Variants in SH3KBP1 observed in about 807,000 individuals in gnomAD.
SH3KBP1 encodes SH3 domain containing kinase binding protein 1.
Under a neutral mutation model 50.1 loss-of-function variants are expected in SH3KBP1, and 8 were observed. That is an observed-to-expected ratio of 0.16 (90% CI 0.09 to 0.29). The LOEUF (loss-of-function observed/expected upper bound fraction) is 0.29, where lower values mean the gene tolerates loss of function less well. Among genes scored for constraint, SH3KBP1 ranks in the 10% least tolerant of loss-of-function variants. The probability of loss-of-function intolerance (pLI) is 1.00; values close to 1 mark genes in which losing one functional copy is unlikely to be tolerated. For missense variants in SH3KBP1, 377 were observed against 535.2 expected (o/e 0.70, Z 2.92); for synonymous variants, 227 against 218.6 (o/e 1.04, Z -0.34).
chrX:19,819,256 T>C (rs964706021), intron 2 of SH3KBP1, among the ~76,000 whole-genome samples: 2 of 112,151 alleles, frequency 1.8e-5, no homozygotes, highest in East Asian at 2.8e-4. Flanking sequence ...TGATATCACC[T>C]GTTTTATTCC....
intron 5 of SH3KBP1, among the ~76,000 whole-genome samples, chrX:19,694,463 GT>G (rs986685351): frequency 4.5e-5 from 5 of 110,592 alleles, no homozygotes; most frequent in African/African-American, 1.3e-4. Flanking sequence ...AAGACACCTC[GT>G]TTCCCCCCCC....
At chrX:19,812,880 AAGG>A (rs2067246615) in intron 2 of SH3KBP1, among the ~76,000 whole-genome samples, 1 of 110,468 alleles carries the variant, frequency 9.1e-6, no homozygotes, top group African/African-American at 3.3e-5. Flanking sequence ...GAGGCTGAGG[AAGG>A]AGAATCGCTT....
Position 19,704,683 on chromosome X carries a change from C to T in SH3KBP1, c.390+2198G>A, listed in dbSNP as rs1021145921. Among the ~76,000 whole-genome samples the T allele has an allele frequency of 2.7e-5, 3 of 111,911 alleles. No individual in the cohort carries two copies. The Admixed American group carries it at 2.8e-4, about 11-fold the overall frequency. ...GTTTCAGGCACTATTCTAGGTACCA[C>T]AAATATAAAAATAGATAAAAATCAG... On this transcript the variant is annotated intron_variant, in intron 4 of 17. Transcript: ENST00000397821.
chrX:19,824,091 A>G (rs111856226), intron 2 of SH3KBP1, among the ~76,000 whole-genome samples: 11 of 111,735 alleles, frequency 9.8e-5, no homozygotes, highest in African/African-American at 3.3e-4. Context: ...AAGTCCTGGG[A>G]TTACAGGTGT....
At position 19,542,118 on chromosome X, in the gene SH3KBP1, A is replaced by T. The variant is rs61744606; in HGVS notation, c.1699T>A (p.Ser567Thr). 7.3e-5 allele frequency: 88 copies of T among 1,203,200 alleles called. No homozygotes were observed. The African/African-American group carries it at 1.2e-3, about 17-fold the overall frequency. The change falls in exon 16 of 18, where the codon TCC (serine) becomes ACC (threonine). Residue 567 changes from serine to threonine, a missense_variant. Transcript: ENST00000397821. ...AAGGGGPAPLSSAAPSPLSSS... is the reference protein window; with the variant it reads ...AAGGGGPAPLTSAAPSPLSSS... ...GACAGGGGGGAGGGCGCCGCTGAGG[A>T]CAGAGGGGCTGGCCCACCGCCACCT...
At chrX:19,701,635 C>T (rs2063537851) in intron 4 of SH3KBP1, among the ~76,000 whole-genome samples, 1 of 112,062 alleles carries the variant, frequency 8.9e-6, no homozygotes, top group African/African-American at 3.2e-5. Context: ...ATCTTCTTCA[C>T]CCTCTGTGAC....
At chrX:19,849,087 G>A (rs1216381724) in intron 1 of SH3KBP1, among the ~76,000 whole-genome samples, 1 of 110,732 alleles carries the variant, frequency 9.0e-6, no homozygotes, top group East Asian at 2.8e-4. Flanking sequence ...TGGGATTACA[G>A]GCATGAGCCA....
At chrX:19,705,641 T>C (rs1227221668) in intron 4 of SH3KBP1, among the ~76,000 whole-genome samples, 1 of 111,536 alleles carries the variant, frequency 9.0e-6, no homozygotes, top group Non-Finnish European at 1.9e-5. Flanking sequence ...ACCCCATTAA[T>C]TGCTTCTGGA....
intron 12 of SH3KBP1, among the ~76,000 whole-genome samples, chrX:19,581,095 A>G (rs551776700): frequency 9.0e-6 from 1 of 111,251 alleles, no homozygotes; most frequent in South Asian, 3.8e-4. Flanking sequence ...GGGACTACAG[A>G]CATGCAACAC....
intron 7 of SH3KBP1, among the ~76,000 whole-genome samples, chrX:19,635,261 C>T (rs2061673769): frequency 9.0e-6 from 1 of 111,323 alleles, no homozygotes; most frequent in Admixed American, 9.5e-5. Flanking sequence ...GAGATCATGT[C>T]CTTTGCAGGG....
chrX:19,553,500 A>C (rs1003467335), intron 13 of SH3KBP1, among the ~76,000 whole-genome samples: 3 of 111,206 alleles, frequency 2.7e-5, no homozygotes, highest in Non-Finnish European at 5.7e-5. Flanking sequence ...TAGGGAAAAC[A>C]TGCTGGTTCC....
intron 13 of SH3KBP1, among the ~76,000 whole-genome samples, chrX:19,561,072 TAAAA>T (rs1278440852): frequency 2.1e-5 from 1 of 48,114 alleles, no homozygotes. Flanking sequence ...AGACCCTGTC[TAAAA>T]AAAAAAAAAA....
At chrX:19,860,254 T>C (rs1174478038) in intron 1 of SH3KBP1, among the ~76,000 whole-genome samples, 2 of 80,835 alleles carry the variant, frequency 2.5e-5, no homozygotes, top group Non-Finnish European at 4.4e-5. Flanking sequence ...CACTCCAGCC[T>C]AGGCAACACA....
At chrX:19,878,833 T>C (rs918832783) in intron 1 of SH3KBP1, among the ~76,000 whole-genome samples, 3 of 112,150 alleles carry the variant, frequency 2.7e-5, no homozygotes, top group Middle Eastern at 4.6e-3. Flanking sequence ...GTGGTGAAAA[T>C]TGCAAATTTT....
At chrX:19,589,640 G>A (rs767546133) in intron 11 of SH3KBP1, among the ~76,000 whole-genome samples, 1 of 110,650 alleles carries the variant, frequency 9.0e-6, no homozygotes, top group Non-Finnish European at 1.9e-5. Flanking sequence ...CTTGCTCCGT[G>A]TGTGGCATAA....
intron 1 of SH3KBP1, among the ~76,000 whole-genome samples, chrX:19,865,270 C>A (rs1010379596): frequency 8.9e-5 from 10 of 112,345 alleles, no homozygotes; most frequent in Non-Finnish European, 1.9e-4. Flanking sequence ...TGGTGGTGTT[C>A]TTTAATGGCC....
intron 12 of SH3KBP1, among the ~76,000 whole-genome samples, chrX:19,582,419 G>A (rs932201152): frequency 2.7e-5 from 3 of 111,845 alleles, no homozygotes; most frequent in East Asian, 5.6e-4. Context: ...TGGTGGCCGC[G>A]TGGGTGATCC....
intron 6 of SH3KBP1, among the ~76,000 whole-genome samples, chrX:19,666,536 T>C (rs1054345824): frequency 9.0e-6 from 1 of 111,286 alleles, no homozygotes; most frequent in African/African-American, 3.3e-5. Context: ...TTAATGGTGA[T>C]TCTAAGACTA....
chrX:19,624,714 T>G (rs1468510755), intron 8 of SH3KBP1, among the ~76,000 whole-genome samples: 1 of 112,280 alleles, frequency 8.9e-6, no homozygotes, highest in Non-Finnish European at 1.9e-5. Flanking sequence ...TTATACTCCT[T>G]TGGGTTTTAA....
Sources: gnomAD v4.1 joint callset for allele counts (sites outside exome capture counted in the v4.1 genomes callset) on GRCh38, gnomAD v4.1.1 for gene constraint, MANE v1.5 for transcripts, NCBI Gene and HGNC (gene_info 2026-07-23, HGNC 2026-07-21) for gene names.